Variants in PEBP4 observed in about 807,000 individuals in gnomAD.
PEBP4 encodes the protein phosphatidylethanolamine-binding protein 4.
Under a neutral mutation model 23.9 loss-of-function variants are expected in PEBP4, and 22 were observed. That is an observed-to-expected ratio of 0.92 (90% CI 0.66 to 1.31). The LOEUF (loss-of-function observed/expected upper bound fraction) is 1.31, where lower values mean the gene tolerates loss of function less well. Ranked by LOEUF, PEBP4 falls within the 40% of genes most tolerant of loss-of-function variation. The probability of loss-of-function intolerance (pLI) is 0.00; values close to 1 mark genes in which losing one functional copy is unlikely to be tolerated. For synonymous variants in PEBP4, 112 were observed against 99.3 expected (o/e 1.13, Z -0.76); for missense variants, 324 against 281.7 (o/e 1.15, Z -1.07).
chr8:22,903,480 A>G (rs2128777323), intron 3 of PEBP4, among the ~76,000 whole-genome samples: 1 of 152,324 alleles, frequency 6.6e-6, no homozygotes, highest in Middle Eastern at 3.4e-3. Flanking sequence ...CTGAGGTTCA[A>G]ATGTGTGGAG....
chr8:22,791,281 C>T lies in PEBP4; in HGVS notation c.357+26356G>A, dbSNP rs185195784. On this transcript the variant is annotated intron_variant, in intron 4 of 6. Transcript: ENST00000256404. Reference sequence around the variant, plus strand: ...GCCTCAGAGCTTCTCATCTTGTCTCCGGTCCTGCAGTCTTCTTTCCTCACC... The same window carrying T: ...GCCTCAGAGCTTCTCATCTTGTCTCTGGTCCTGCAGTCTTCTTTCCTCACC... Among the ~76,000 whole-genome samples, 44 of 152,192 alleles carry T rather than the reference C, an allele frequency of 2.9e-4. No homozygotes were observed. The East Asian group carries it at 7.7e-3, about 27-fold the overall frequency.
chr8:22,785,868 C>CG (rs1806017209), intron 4 of PEBP4, among the ~76,000 whole-genome samples: 1 of 152,190 alleles, frequency 6.6e-6, no homozygotes, highest in African/African-American at 2.4e-5. Flanking sequence ...CTGGAGACAA[C>CG]GGGGCTACTC....
chr8:22,908,658 T>C (rs1047816800), intron 3 of PEBP4, among the ~76,000 whole-genome samples: 2 of 152,150 alleles, frequency 1.3e-5, no homozygotes, highest in Admixed American at 6.5e-5. Context: ...CCCCTTGGGC[T>C]CCAAGTGTTC....
intron 4 of PEBP4, among the ~76,000 whole-genome samples, chr8:22,771,433 G>A (rs1053254017): frequency 5.3e-5 from 8 of 152,136 alleles, no homozygotes; most frequent in African/African-American, 1.4e-4. Context: ...AGGTTGCAGC[G>A]AGCTGAGATC....
At chr8:22,886,079 A>G (rs17088698) in intron 3 of PEBP4, 27,800 of 152,182 alleles carry the variant, frequency 0.18, 3,204 homozygotes, top group African/African-American at 0.32. Context: ...TTCTTCAACA[A>G]TGAAACCCTT....
rs571963345 is a variant in PEBP4 at position 22,795,947 on chromosome 8, C to T, written c.357+21690G>A. On this transcript the variant is annotated intron_variant, in intron 4 of 6. Transcript: ENST00000256404. Reference sequence around the variant, plus strand: ...CATTTTAGGAGGTGTGTTTGTATGCCGAAATGTGAGAATTTCTGAGCATTT... The same window carrying T: ...CATTTTAGGAGGTGTGTTTGTATGCTGAAATGTGAGAATTTCTGAGCATTT... Among the ~76,000 whole-genome samples, 206 of 152,014 alleles carry T rather than the reference C, an allele frequency of 1.4e-3. 3 individuals carry two copies. Among genetic ancestry groups the T allele is most frequent in the African/African-American group, 3.4e-3 (139 of 41,458 alleles).
At chr8:22,817,408 A>C (rs1393608835) in intron 4 of PEBP4, among the ~76,000 whole-genome samples, 1 of 151,652 alleles carries the variant, frequency 6.6e-6, no homozygotes, top group Non-Finnish European at 1.5e-5. Flanking sequence ...AGAAATCAGG[A>C]CTCTCCCCAC....
intron 3 of PEBP4, among the ~76,000 whole-genome samples, chr8:22,830,010 C>A (rs548333674): frequency 6.6e-6 from 1 of 152,260 alleles, no homozygotes; most frequent in African/African-American, 2.4e-5. Flanking sequence ...GGCAGCCCAC[C>A]CCTTCTTTAT....
At chr8:22,745,113 T>C (rs1267227865) in intron 4 of PEBP4, among the ~76,000 whole-genome samples, 1 of 152,218 alleles carries the variant, frequency 6.6e-6, no homozygotes, top group African/African-American at 2.4e-5. Flanking sequence ...TTTGCTGGAA[T>C]TTCTCTGGAG....
At chr8:22,924,197 C>T (rs1458505081) in intron 2 of PEBP4, among the ~76,000 whole-genome samples, 2 of 152,054 alleles carry the variant, frequency 1.3e-5, no homozygotes, top group Non-Finnish European at 2.9e-5. Flanking sequence ...ACTCCCAACT[C>T]TACAAAAAAT....
chr8:22,938,360 T>C (rs1360712087), intron 1 of PEBP4, among the ~76,000 whole-genome samples: 1 of 152,180 alleles, frequency 6.6e-6, no homozygotes, highest in Non-Finnish European at 1.5e-5. Flanking sequence ...TCCTGCCCCA[T>C]GACCCACCTG....
chr8:22,872,286 CAT>C (rs2128770669), intron 3 of PEBP4, among the ~76,000 whole-genome samples: 1 of 152,184 alleles, frequency 6.6e-6, no homozygotes, highest in East Asian at 1.9e-4. Flanking sequence ...AGAGTTAAGT[CAT>C]GTGTGTACTG....
At chr8:22,819,348 G>C (rs1002873445) in intron 3 of PEBP4, among the ~76,000 whole-genome samples, 1 of 152,128 alleles carries the variant, frequency 6.6e-6, no homozygotes, top group South Asian at 2.1e-4. Flanking sequence ...GGCCAGATGA[G>C]GACACAGATG....
intron 4 of PEBP4, among the ~76,000 whole-genome samples, chr8:22,730,845 A>G (rs2128749298): frequency 1.3e-5 from 2 of 152,278 alleles, no homozygotes; most frequent in East Asian, 3.9e-4. Flanking sequence ...GAAGGCCCCT[A>G]ACAGGTATTG....
At chr8:22,740,911 G>C (rs1804976383) in intron 4 of PEBP4, among the ~76,000 whole-genome samples, 1 of 152,192 alleles carries the variant, frequency 6.6e-6, no homozygotes, top group Non-Finnish European at 1.5e-5. Flanking sequence ...GAAGGGAAAG[G>C]GCTGGGCACA....
At chr8:22,938,009 A>T (rs1809562254) in intron 1 of PEBP4, among the ~76,000 whole-genome samples, 1 of 152,234 alleles carries the variant, frequency 6.6e-6, no homozygotes. Flanking sequence ...GAAAATCTTC[A>T]TGACATTGGA....
intron 3 of PEBP4, among the ~76,000 whole-genome samples, chr8:22,890,887 G>T (rs1024963124): frequency 2.0e-5 from 3 of 152,174 alleles, no homozygotes; most frequent in African/African-American, 7.2e-5. Flanking sequence ...GAATGCAATG[G>T]AGCAATCTCA....
chr8:22,829,308 A>G (rs959504179), intron 3 of PEBP4, among the ~76,000 whole-genome samples: 5 of 152,256 alleles, frequency 3.3e-5, no homozygotes, highest in East Asian at 1.9e-4. Context: ...GCTTCATTAC[A>G]GGCCCTGAGT....
intron 3 of PEBP4, among the ~76,000 whole-genome samples, chr8:22,853,879 T>A (rs966676361): frequency 3.3e-5 from 5 of 152,218 alleles, no homozygotes; most frequent in African/African-American, 7.2e-5. Context: ...AGGAGATGCA[T>A]CTTGGTTGGG....
Sources: gnomAD v4.1 joint callset for allele counts (sites outside exome capture counted in the v4.1 genomes callset) on GRCh38, gnomAD v4.1.1 for gene constraint, MANE v1.5 for transcripts, NCBI Gene and HGNC (gene_info 2026-07-23, HGNC 2026-07-21) for gene names.